MECOM: variants seen among roughly 807,000 people sequenced by gnomAD.
The protein encoded by MECOM is histone-lysine N-methyltransferase MECOM.
A neutral mutation model predicts 116.3 loss-of-function variants in MECOM; 13 were observed. The ratio of observed to expected loss-of-function variants is 0.11; its 90% CI spans 0.07 to 0.18. The LOEUF (loss-of-function observed/expected upper bound fraction) is 0.18. Among genes scored for constraint, MECOM ranks in the 10% least tolerant of loss-of-function variants. MECOM has a pLI of 1.00. For missense variants in MECOM, 1,299 were observed against 1,509.0 expected (o/e 0.86, Z 2.31); for synonymous variants, 528 against 535.2 (o/e 0.99, Z 0.19).
Position 169,213,459 on chromosome 3 carries a change from A to T in MECOM, c.376-69627T>A, listed in dbSNP as rs567781879. On this transcript the variant is annotated intron_variant, in intron 2 of 16. Coordinates refer to ENST00000651503, the MANE Select transcript of MECOM (RefSeq NM_004991.4). ...AAAAAATGTTTATACCATGTGAAATATTCAACTTTTTGCTCCATTTTGACT... is the reference window on the plus strand; with the variant it reads ...AAAAAATGTTTATACCATGTGAAATTTTCAACTTTTTGCTCCATTTTGACT... Among the ~76,000 whole-genome samples the T allele has an allele frequency of 2.0e-5, 3 of 152,118 alleles. No homozygotes were observed. The South Asian group carries it at 6.2e-4, about 32-fold the overall frequency.
At chr3:169,451,212 C>T (rs1745518298) in intron 1 of MECOM, among the ~76,000 whole-genome samples, 1 of 151,180 alleles carries the variant, frequency 6.6e-6, no homozygotes, top group Non-Finnish European at 1.5e-5. Flanking sequence ...GAAAATACTT[C>T]TCTCTGTCTC....
At chr3:169,479,865 C>T (rs1037713614) in intron 1 of MECOM, among the ~76,000 whole-genome samples, 6 of 152,142 alleles carry the variant, frequency 3.9e-5, no homozygotes, top group Admixed American at 1.3e-4. Flanking sequence ...GTGCCAGGCA[C>T]CTTTAAAATC....
chr3:169,626,814 T>C (rs1771431670), intron 1 of MECOM, among the ~76,000 whole-genome samples: 1 of 151,330 alleles, frequency 6.6e-6, no homozygotes, highest in Admixed American at 6.6e-5. Flanking sequence ...TTTTAAGGTT[T>C]CTTTTCTCTT....
chr3:169,155,987 A>G (rs751385979), intron 2 of MECOM, among the ~76,000 whole-genome samples: 3 of 152,200 alleles, frequency 2.0e-5, no homozygotes, highest in Non-Finnish European at 2.9e-5. Context: ...ATTAGTCATT[A>G]TTCTTAAAAT....
intron 1 of MECOM, among the ~76,000 whole-genome samples, chr3:169,476,340 T>G (rs899631687): frequency 6.6e-6 from 1 of 152,220 alleles, no homozygotes; most frequent in African/African-American, 2.4e-5. Context: ...TAACCACCAT[T>G]TGTTCTACAG....
intron 1 of MECOM, among the ~76,000 whole-genome samples, chr3:169,491,968 G>T (rs967220508): frequency 6.6e-6 from 1 of 152,056 alleles, no homozygotes; most frequent in Admixed American, 6.5e-5. Context: ...AATAAAACAG[G>T]CACAGACCAT....
intron 1 of MECOM, among the ~76,000 whole-genome samples, chr3:169,659,288 A>G (rs941399830): frequency 6.6e-6 from 1 of 152,024 alleles, no homozygotes; most frequent in Non-Finnish European, 1.5e-5. Context: ...TGCACTCTAT[A>G]GCCAAGACCT....
chr3:169,225,258 G>A (rs1370543312), intron 2 of MECOM, among the ~76,000 whole-genome samples: 1 of 152,088 alleles, frequency 6.6e-6, no homozygotes, highest in Non-Finnish European at 1.5e-5. Context: ...AGAGCTATTC[G>A]GATTTTATGT....
At chr3:169,518,153 G>A (rs1756896652) in intron 1 of MECOM, among the ~76,000 whole-genome samples, 1 of 152,034 alleles carries the variant, frequency 6.6e-6, no homozygotes, top group Non-Finnish European at 1.5e-5. Flanking sequence ...CAGCTACTTG[G>A]GAGGCTGAGG....
At chr3:169,259,705 G>A (rs1056175968) in intron 2 of MECOM, among the ~76,000 whole-genome samples, 2 of 152,222 alleles carry the variant, frequency 1.3e-5, no homozygotes, top group Non-Finnish European at 2.9e-5. Context: ...TCCAGCCTGG[G>A]CAACAGAGTA....
intron 2 of MECOM, among the ~76,000 whole-genome samples, chr3:169,277,140 G>A (rs1466412533): frequency 6.6e-6 from 1 of 152,112 alleles, no homozygotes; most frequent in Non-Finnish European, 1.5e-5. Context: ...CAGCATTATA[G>A]AGTAAGAGAG....
intron 2 of MECOM, among the ~76,000 whole-genome samples, chr3:169,307,459 G>T (rs940056048): frequency 6.6e-6 from 1 of 151,994 alleles, no homozygotes; most frequent in Non-Finnish European, 1.5e-5. Flanking sequence ...CTGTGGTCCC[G>T]GCTACTTGGG....
At chr3:169,441,525 A>G (rs552613904) in intron 1 of MECOM, among the ~76,000 whole-genome samples, 11 of 152,166 alleles carry the variant, frequency 7.2e-5, no homozygotes, top group African/African-American at 2.4e-4. Context: ...AAAAATGTTC[A>G]TTTTACATTT....
chr3:169,280,155 G>A (rs1485147737), intron 2 of MECOM, among the ~76,000 whole-genome samples: 1 of 152,202 alleles, frequency 6.6e-6, no homozygotes, highest in Non-Finnish European at 1.5e-5. Context: ...GCCACGGGAT[G>A]AGGCACAATC....
intron 2 of MECOM, among the ~76,000 whole-genome samples, chr3:169,213,408 A>T (rs1751032974): frequency 6.6e-6 from 1 of 152,120 alleles, no homozygotes; most frequent in Non-Finnish European, 1.5e-5. Flanking sequence ...GCTTTTTTGC[A>T]ACTTTCTTTT....
chr3:169,548,844 CATT>C (rs1402758102), intron 1 of MECOM, among the ~76,000 whole-genome samples: 1 of 152,106 alleles, frequency 6.6e-6, no homozygotes, highest in Admixed American at 6.5e-5. Context: ...TGGGTACTCT[CATT>C]AATTATAATA....
intron 1 of MECOM, among the ~76,000 whole-genome samples, chr3:169,644,418 G>A (rs979122113): frequency 2.0e-5 from 3 of 151,938 alleles, no homozygotes; most frequent in Non-Finnish European, 1.5e-5. Flanking sequence ...CACCACGCCT[G>A]GCTAATTTTT....
intron 12 of MECOM, among the ~76,000 whole-genome samples, chr3:169,096,229 G>A (rs922194623): frequency 2.6e-5 from 4 of 151,106 alleles, no homozygotes; most frequent in East Asian, 3.9e-4. Context: ...ATTTTGGGGG[G>A]CATGTTACTT....
At chr3:169,356,173 C>T (rs1727247124) in intron 2 of MECOM, among the ~76,000 whole-genome samples, 1 of 151,738 alleles carries the variant, frequency 6.6e-6, no homozygotes, top group South Asian at 2.1e-4. Context: ...TGTTGAGGTG[C>T]AATGTAAATT....
Sources: gnomAD v4.1 joint callset for allele counts (sites outside exome capture counted in the v4.1 genomes callset) on GRCh38, gnomAD v4.1.1 for gene constraint, MANE v1.5 for transcripts, NCBI Gene and HGNC (gene_info 2026-07-23, HGNC 2026-07-21) for gene names.